EZH2: variants seen among roughly 807,000 people sequenced by gnomAD.
EZH2 encodes the protein enhancer of zeste 2 polycomb repressive complex 2 subunit.
EZH2 carries 18 observed loss-of-function variants against 98.4 expected under a neutral mutation model. The ratio of observed to expected loss-of-function variants is 0.18; its 90% CI spans 0.13 to 0.27. The LOEUF (loss-of-function observed/expected upper bound fraction) is 0.27. EZH2 is among the 10% of genes least tolerant of loss of function. The probability of loss-of-function intolerance (pLI) is 1.00; values close to 1 mark genes in which losing one functional copy is unlikely to be tolerated. For missense variants in EZH2, 470 were observed against 935.1 expected, an observed-to-expected ratio of 0.50 and a Z score of 6.49; for synonymous variants, 338 against 312.3, an observed-to-expected ratio of 1.08 and a Z score of -0.87.
At chr7:148,876,843 C>A (rs1820244860) in intron 1 of EZH2, among the ~76,000 whole-genome samples, 1 of 152,136 alleles carries the variant, frequency 6.6e-6, no homozygotes, top group African/African-American at 2.4e-5. Flanking sequence ...TTTTACAACT[C>A]TTTTAAAAGT....
At chr7:148,841,411 T>TA (rs1159008674) in intron 3 of EZH2, among the ~76,000 whole-genome samples, 2 of 152,100 alleles carry the variant, frequency 1.3e-5, no homozygotes, top group South Asian at 2.1e-4. Context: ...CAATAATAGT[T>TA]AAAAGAGGCA....
chr7:148,814,070 C>G lies in EZH2; in HGVS notation c.1740G>C (p.Leu580=). The G allele has an allele frequency of 6.2e-7, 1 of 1,614,190 alleles. No individual in the cohort carries two copies. Among genetic ancestry groups the G allele is most frequent in the Non-Finnish European group, 8.5e-7 (1 of 1,180,034 alleles). ...QCNTKQCPCY[L]AVRECDPDLC... ...GGTCAGGGTCACACTCTCGGACAGC[C>G]AGGTAGCACGGGCACTGCTTGGTGT... Residue 580 remains leucine (L), a synonymous_variant, in exon 15 of 20, where the codon CTG becomes CTC. Coordinates refer to ENST00000320356, the MANE Select transcript of EZH2 (RefSeq NM_004456.5).
intron 1 of EZH2, among the ~76,000 whole-genome samples, chr7:148,858,510 A>G (rs1249171019): frequency 6.6e-6 from 1 of 151,912 alleles, no homozygotes; most frequent in Non-Finnish European, 1.5e-5. Flanking sequence ...AAAAACTCCC[A>G]AATATAATTC....
At chr7:148,880,392 G>A (rs1222413072) in intron 1 of EZH2, among the ~76,000 whole-genome samples, 1 of 152,080 alleles carries the variant, frequency 6.6e-6, no homozygotes, top group African/African-American at 2.4e-5. Context: ...TAACAAAACA[G>A]CTTTTCAGTT....
chr7:148,876,506 A>C (rs373410411), intron 1 of EZH2, among the ~76,000 whole-genome samples: 2 of 152,312 alleles, frequency 1.3e-5, no homozygotes, highest in South Asian at 2.1e-4. Flanking sequence ...TAACTTGACA[A>C]CACCTATTAA....
intron 18 of EZH2, 68 bp from the exon 19 acceptor site, chr7:148,809,223 CA>C: frequency 1.9e-6 from 3 of 1,584,588 alleles, no homozygotes; most frequent in Non-Finnish European, 2.6e-6. Context: ...GACTTGTTCA[CA>C]TAACAAACAA....
intron 3 of EZH2, among the ~76,000 whole-genome samples, chr7:148,837,194 C>A (rs1811121547): frequency 6.6e-6 from 1 of 152,168 alleles, no homozygotes; most frequent in Non-Finnish European, 1.5e-5. Context: ...ATGAGAAAGG[C>A]TAAGTCCAAC....
intron 1 of EZH2, among the ~76,000 whole-genome samples, chr7:148,861,697 G>A (rs961901235): frequency 3.3e-5 from 5 of 151,768 alleles, no homozygotes; most frequent in African/African-American, 4.8e-5. Flanking sequence ...GAGGGCAAGC[G>A]TGGTTGCTCA....
rs1396437535 is a variant in EZH2, at chr7:148,824,835, T to C, written c.907+1619A>G. On this transcript the variant is annotated intron_variant, in intron 8 of 19. Coordinates refer to ENST00000320356, the MANE Select transcript of EZH2 (RefSeq NM_004456.5). ...AGAAGTAAAAGTGGGCCTAGCACAG[T>C]TGGACCCATGGCCACCAAATGCTAC... Among the ~76,000 whole-genome samples, 7 of 152,154 alleles carry C rather than the reference T, an allele frequency of 4.6e-5. No homozygotes were observed. In the East Asian group the frequency reaches 1.2e-3, roughly 25 times the overall value.
At chr7:148,830,622 A>G (rs905581377) in intron 4 of EZH2, among the ~76,000 whole-genome samples, 1 of 152,254 alleles carries the variant, frequency 6.6e-6, no homozygotes, top group African/African-American at 2.4e-5. Context: ...CTACAAAAAC[A>G]TAAAATATTT....
At chr7:148,875,530 G>GA (rs1360687536) in intron 1 of EZH2, among the ~76,000 whole-genome samples, 1 of 152,100 alleles carries the variant, frequency 6.6e-6, no homozygotes, top group Non-Finnish European at 1.5e-5. Context: ...GATCATCTGA[G>GA]AAACACAAAC....
chr7:148,825,557 C>T (rs930074740), intron 8 of EZH2, among the ~76,000 whole-genome samples: 1 of 152,156 alleles, frequency 6.6e-6, no homozygotes, highest in South Asian at 2.1e-4. Flanking sequence ...AGGTGAGGTA[C>T]AGCTGCTTGG....
chr7:148,808,589 C>G (rs1802154071), intron 19 of EZH2, among the ~76,000 whole-genome samples: 2 of 152,194 alleles, frequency 1.3e-5, no homozygotes, highest in Admixed American at 1.3e-4. Flanking sequence ...GGTGATCAGA[C>G]AGCGATTTGC....
At chr7:148,844,122 G>A (rs1479589849) in intron 3 of EZH2, among the ~76,000 whole-genome samples, 2 of 152,118 alleles carry the variant, frequency 1.3e-5, no homozygotes, top group East Asian at 3.8e-4. Flanking sequence ...CCTACCACTA[G>A]GAAAGTCTTT....
intron 16 of EZH2, 75 bp from the exon 17 acceptor site, chr7:148,810,489 A>G (rs748418040): frequency 2.0e-6 from 2 of 992,002 alleles, no homozygotes; most frequent in Non-Finnish European, 1.6e-6. Context: ...AAAAGCGCAC[A>G]GAGTGAATAC....
Position 148,832,725 on chromosome 7 carries a change from A to C in EZH2, c.272T>G (p.Phe91Cys). Reference protein sequence around the residue: ...RECSVTSDLDFPTQVIPLKTL... With the variant: ...RECSVTSDLDCPTQVIPLKTL... ...CTTTAATGGGATGACTTGTGTTGGAAAATCCAAGTCACTGGTCACCGAACA... is the reference window on the plus strand; with the variant it reads ...CTTTAATGGGATGACTTGTGTTGGACAATCCAAGTCACTGGTCACCGAACA... Residue 91 changes from phenylalanine to cysteine, a missense_variant, in exon 4 of 20, where the codon TTT becomes TGT. Coordinates refer to ENST00000320356, the MANE Select transcript of EZH2 (RefSeq NM_004456.5). 6.2e-7 allele frequency: 1 copy of C among 1,608,158 alleles called. No individual in the cohort carries two copies. The highest frequency in any genetic ancestry group is 8.5e-7 in the Non-Finnish European group (1 of 1,176,396).
At chr7:148,857,061 G>C (rs1816937038) in intron 1 of EZH2, among the ~76,000 whole-genome samples, 1 of 152,234 alleles carries the variant, frequency 6.6e-6, no homozygotes, top group South Asian at 2.1e-4. Flanking sequence ...TCCCCGATGT[G>C]ATGAAATGAG....
At chr7:148,823,178 A>G (rs1806661536) in intron 8 of EZH2, among the ~76,000 whole-genome samples, 1 of 152,232 alleles carries the variant, frequency 6.6e-6, no homozygotes, top group Non-Finnish European at 1.5e-5. Flanking sequence ...GGGCTCTCTG[A>G]CTTTGCTGGT....
At chr7:148,843,861 C>T (rs561232068) in intron 3 of EZH2, among the ~76,000 whole-genome samples, 5 of 152,170 alleles carry the variant, frequency 3.3e-5, no homozygotes, top group South Asian at 4.2e-4. Context: ...TCCCAAAGTG[C>T]TGGGATTACA....
Sources: gnomAD v4.1 joint callset for allele counts (sites outside exome capture counted in the v4.1 genomes callset) on GRCh38, gnomAD v4.1.1 for gene constraint, MANE v1.5 for transcripts, NCBI Gene and HGNC (gene_info 2026-07-23, HGNC 2026-07-21) for gene names.